ATP8A2: variants seen among roughly 807,000 people sequenced by gnomAD.
The protein encoded by ATP8A2 is phospholipid-transporting ATPase IB.
ATP8A2 carries 100 observed loss-of-function variants against 165.6 expected under a neutral mutation model. That is an observed-to-expected ratio of 0.60 (90% CI 0.51 to 0.71). The LOEUF is 0.71. Among genes scored for constraint, ATP8A2 ranks in the 30% least tolerant of loss-of-function variants. The pLI is 0.00. For missense variants in ATP8A2, 1,227 were observed against 1,479.5 expected (o/e 0.83, Z 2.80); for synonymous variants, 543 against 548.8 (o/e 0.99, Z 0.15).
chr13:25,528,772 A>G (rs142073153), intron 2 of ATP8A2, among the ~76,000 whole-genome samples: 1,249 of 71,382 alleles, frequency 0.017, 39 homozygotes, highest in African/African-American at 0.041. Context: ...CAACATGTGT[A>G]TGCACACATA....
intron 25 of ATP8A2, among the ~76,000 whole-genome samples, chr13:25,758,533 A>G (rs1176352632): frequency 1.3e-5 from 2 of 152,206 alleles, no homozygotes; most frequent in African/African-American, 2.4e-5. Context: ...TTTACATTAG[A>G]TTATGTCAAC....
At chr13:25,627,551 C>T (rs1281676552) in intron 24 of ATP8A2, among the ~76,000 whole-genome samples, 1 of 152,116 alleles carries the variant, frequency 6.6e-6, no homozygotes, top group Non-Finnish European at 1.5e-5. Context: ...CATCTCAACG[C>T]CATGTGAGAA....
chr13:25,405,722 C>G (rs1593263763), intron 1 of ATP8A2, among the ~76,000 whole-genome samples: 1 of 152,154 alleles, frequency 6.6e-6, no homozygotes, highest in Non-Finnish European at 1.5e-5. Flanking sequence ...TCCTAGATAT[C>G]ATGTATTAGA....
intron 1 of ATP8A2, among the ~76,000 whole-genome samples, chr13:25,437,616 T>G (rs1347848157): frequency 6.6e-6 from 1 of 152,216 alleles, no homozygotes; most frequent in Non-Finnish European, 1.5e-5. Context: ...CTTTTCCGTG[T>G]ATTGCTGGAG....
intron 27 of ATP8A2, among the ~76,000 whole-genome samples, chr13:25,799,374 ATCT>A (rs1458769599): frequency 6.6e-6 from 1 of 152,200 alleles, no homozygotes; most frequent in Non-Finnish European, 1.5e-5. Flanking sequence ...GGTCACAGTG[ATCT>A]TCTTGTGCCT....
intron 25 of ATP8A2, among the ~76,000 whole-genome samples, chr13:25,764,434 T>A (rs533644706): frequency 1.2e-4 from 19 of 152,356 alleles, no homozygotes; most frequent in Non-Finnish European, 2.1e-4. Flanking sequence ...TTTGTATGTA[T>A]CTTATGCTAT....
chr13:25,588,351 G>A (rs1400092151), intron 23 of ATP8A2, among the ~76,000 whole-genome samples: 1 of 152,076 alleles, frequency 6.6e-6, no homozygotes, highest in Non-Finnish European at 1.5e-5. Flanking sequence ...TGTCTATCTT[G>A]AATTTCATTT....
At chr13:25,435,954 T>TGTGTGTGTGTGA (rs2034758772) in intron 1 of ATP8A2, among the ~76,000 whole-genome samples, 1 of 92,618 alleles carries the variant, frequency 1.1e-5, no homozygotes, top group Non-Finnish European at 2.5e-5. Flanking sequence ...TGTGTGTGAG[T>TGTGTGTGTGTGA]GTGTGTGTGT....
intron 2 of ATP8A2, among the ~76,000 whole-genome samples, chr13:25,480,891 C>T (rs1001967211): frequency 6.6e-6 from 1 of 151,876 alleles, no homozygotes; most frequent in Non-Finnish European, 1.5e-5. Flanking sequence ...AACCAGACAC[C>T]GTCTGCAATC....
At chr13:25,684,975 A>G (rs1235462376) in intron 24 of ATP8A2, among the ~76,000 whole-genome samples, 2 of 152,218 alleles carry the variant, frequency 1.3e-5, no homozygotes, top group Non-Finnish European at 2.9e-5. Context: ...GGAGGAGTTT[A>G]TTAGGCTTTG....
At chr13:25,731,319 A>AAGGAAGGAAGCGG in intron 25 of ATP8A2, among the ~76,000 whole-genome samples, 1 of 111,298 alleles carries the variant, frequency 9.0e-6, no homozygotes, top group African/African-American at 4.1e-5. Flanking sequence ...GACCGGAAGG[A>AAGGAAGGAAGCGG]GAGAGAAAGA....
At chr13:25,669,482 C>G (rs2042220496) in intron 24 of ATP8A2, among the ~76,000 whole-genome samples, 1 of 152,246 alleles carries the variant, frequency 6.6e-6, no homozygotes. Context: ...ATGACTCTGC[C>G]TTAGCCTTCA....
chr13:25,567,203 C>T, intron 16 of ATP8A2: 1 of 386,774 alleles, frequency 2.6e-6, no homozygotes, highest in Middle Eastern at 5.5e-4. Flanking sequence ...TGTTTTGGGT[C>T]CCTGTGACGT....
At chr13:25,573,110 CA>C (rs1483260770) in intron 18 of ATP8A2, among the ~76,000 whole-genome samples, 1 of 152,170 alleles carries the variant, frequency 6.6e-6, no homozygotes, top group African/African-American at 2.4e-5. Context: ...ATTTCCCGTA[CA>C]GAAGCTTTTT....
intron 20 of ATP8A2, 150 bp downstream of exon 20, chr13:25,577,288 A>G: frequency 1.4e-6 from 1 of 699,828 alleles, no homozygotes; most frequent in Middle Eastern, 3.4e-4. Flanking sequence ...ACTTAGTAGT[A>G]AAAGCCCACT....
Position 25,837,150 on chromosome 13 carries a change from G to T in ATP8A2, c.2755-13G>T. ...GAAGGGCTGCTTTTAATGGCTCATTGTTCTCCCTGCAGATTTTCACCGCTT... is the reference window on the plus strand; with the variant it reads ...GAAGGGCTGCTTTTAATGGCTCATTTTTCTCCCTGCAGATTTTCACCGCTT... On this transcript the variant is annotated splice_polypyrimidine_tract_variant and intron_variant, in intron 28 of 36. Coordinates refer to ENST00000381655, the MANE Select transcript of ATP8A2 (RefSeq NM_016529.6). The T allele has an allele frequency of 6.2e-7, 1 of 1,612,932 alleles. No homozygotes were observed. Among genetic ancestry groups the T allele is most frequent in the Non-Finnish European group, 8.5e-7 (1 of 1,179,526 alleles).
intron 28 of ATP8A2, among the ~76,000 whole-genome samples, chr13:25,831,102 C>T (rs935945435): frequency 6.6e-5 from 10 of 152,128 alleles, no homozygotes; most frequent in Admixed American, 3.3e-4. Context: ...CTGGGTTCTC[C>T]GCTGTCATTT....
At position 25,477,032 on chromosome 13, in the gene ATP8A2, G is replaced by C. The variant is rs767911197; in HGVS notation, c.221+7911G>C. Among the ~76,000 whole-genome samples the C allele has an allele frequency of 3.9e-5, 6 of 152,148 alleles. No individual in the cohort carries two copies. The East Asian group carries it at 7.7e-4, about 20-fold the overall frequency. ...TTGAATGTGTGAGCTTTCTTGAAGA[G>C]TATTTTTAGAAACAGAAAAGCCTGT... On this transcript the variant is annotated intron_variant, in intron 2 of 36. Transcript: ENST00000381655.
At chr13:25,937,379 TGAACAGCCCAATGTAACTCCA>T (rs1954933157) in intron 33 of ATP8A2, among the ~76,000 whole-genome samples, 1 of 143,494 alleles carries the variant, frequency 7.0e-6, no homozygotes. Context: ...TTTTTTTTTT[TGAACAGCCCAATGTAACTCCA>T]TTGGTTGTGT....
Sources: gnomAD v4.1 joint callset for allele counts (sites outside exome capture counted in the v4.1 genomes callset) on GRCh38, gnomAD v4.1.1 for gene constraint, MANE v1.5 for transcripts, NCBI Gene and HGNC (gene_info 2026-07-23, HGNC 2026-07-21) for gene names.